Variants in SAMSN1 observed in about 807,000 individuals in gnomAD.
SAMSN1 encodes the protein SAM domain-containing protein SAMSN-1.
Under a neutral mutation model 42.0 loss-of-function variants are expected in SAMSN1, and 31 were observed. The observed-to-expected ratio is 0.74, with a 90% confidence interval of 0.55 to 1.00. The LOEUF is 1.00. Among genes scored for constraint, SAMSN1 ranks in the 50% least tolerant of loss-of-function variants. The pLI is 0.00. For missense variants in SAMSN1, 464 were observed against 439.4 expected, an observed-to-expected ratio of 1.06 and a Z score of -0.50; for synonymous variants, 178 against 151.9, an observed-to-expected ratio of 1.17 and a Z score of -1.26.
intron 2 of SAMSN1, among the ~76,000 whole-genome samples, chr21:14,573,573 A>C (rs1256586654): frequency 1.3e-5 from 2 of 152,196 alleles, no homozygotes; most frequent in African/African-American, 4.8e-5. Context: ...AAACCAGCTG[A>C]GGTAAAGGTA....
chr21:14,624,334 A>G (rs1312628310), intron 2 of SAMSN1, among the ~76,000 whole-genome samples: 1 of 152,218 alleles, frequency 6.6e-6, no homozygotes, highest in Non-Finnish European at 1.5e-5. Flanking sequence ...CAATGAATGC[A>G]GGAGCTGTTT....
intron 2 of SAMSN1, among the ~76,000 whole-genome samples, chr21:14,552,833 T>C (rs1980643722): frequency 6.6e-6 from 1 of 152,142 alleles, no homozygotes; most frequent in Non-Finnish European, 1.5e-5. Flanking sequence ...CTTAATTTTG[T>C]GATTTTGCTT....
intron 6 of SAMSN1, among the ~76,000 whole-genome samples, chr21:14,594,898 A>C (rs1365716992): frequency 6.6e-6 from 1 of 152,192 alleles, no homozygotes; most frequent in Admixed American, 6.5e-5. Context: ...TGCAATTTGC[A>C]CACAGTTCTA....
intron 5 of SAMSN1, among the ~76,000 whole-genome samples, chr21:14,606,829 T>C (rs566617191): frequency 8.6e-4 from 131 of 152,346 alleles, no homozygotes; most frequent in Non-Finnish European, 1.6e-3. Flanking sequence ...CTTATTCTGA[T>C]AAATTTGGTC....
chr21:14,627,058 A>G (rs1568836166), intron 2 of SAMSN1, among the ~76,000 whole-genome samples: 2 of 152,164 alleles, frequency 1.3e-5, no homozygotes, highest in Non-Finnish European at 2.9e-5. Flanking sequence ...GTTCTCACTC[A>G]TAGGTGGGAA....
At chr21:14,562,190 T>C (rs971571496) in intron 2 of SAMSN1, among the ~76,000 whole-genome samples, 1 of 152,198 alleles carries the variant, frequency 6.6e-6, no homozygotes, top group African/African-American at 2.4e-5. Flanking sequence ...CAGTTAGATA[T>C]GTGGTTAGAT....
chr21:14,599,492 AC>A (rs1462068596), intron 6 of SAMSN1, among the ~76,000 whole-genome samples: 1 of 152,138 alleles, frequency 6.6e-6, no homozygotes, highest in African/African-American at 2.4e-5. Flanking sequence ...TTTATAAATT[AC>A]TTAGCCTCGG....
chr21:14,652,224 A>C (rs1394445133), intron 1 of SAMSN1, among the ~76,000 whole-genome samples: 2 of 152,056 alleles, frequency 1.3e-5, no homozygotes, highest in East Asian at 3.9e-4. Context: ...AAAGACACAG[A>C]ATAGCCAAAG....
intron 1 of SAMSN1, among the ~76,000 whole-genome samples, chr21:14,536,944 C>T (rs373138788): frequency 1.1e-4 from 17 of 152,204 alleles, no homozygotes; most frequent in African/African-American, 3.1e-4. Flanking sequence ...TCAACTGGGC[C>T]GTTCCTTTGT....
rs1308451555 is a variant in SAMSN1 at position 14,643,265 on chromosome 21, C to T, written c.25-132G>A. 2.8e-5 allele frequency: 16 copies of T among 571,472 alleles called. No individual in the cohort carries two copies. The East Asian group carries it at 3.9e-4, about 14-fold the overall frequency. 35.4% of individuals were successfully genotyped at this position (571,472 alleles called of 1,614,324 possible). Reference sequence around the variant, plus strand: ...CCTGGGCATAGGGATTAAGAGTTTACAGTATGCTAACTTTCAACAGTGAAC... The same window carrying T: ...CCTGGGCATAGGGATTAAGAGTTTATAGTATGCTAACTTTCAACAGTGAAC... On this transcript the variant is annotated intron_variant, in intron 1 of 15. Coordinates refer to the SAMSN1 transcript ENST00000647101.
At chr21:14,547,145 A>G (rs963338867), upstream of SAMSN1, among the ~76,000 whole-genome samples, 1 of 152,258 alleles carries the variant, frequency 6.6e-6, no homozygotes, top group Admixed American at 6.5e-5. Flanking sequence ...ATAAATGGGA[A>G]CATGACTAAA....
chr21:14,655,798 C>T (rs1983905884), intron 1 of SAMSN1, among the ~76,000 whole-genome samples: 1 of 151,730 alleles, frequency 6.6e-6, no homozygotes, highest in Non-Finnish European at 1.5e-5. Flanking sequence ...TTGAGAATAA[C>T]ATAAATGCTA....
upstream of SAMSN1, among the ~76,000 whole-genome samples, chr21:14,587,934 C>T (rs1464141108): frequency 8.8e-6 from 1 of 113,348 alleles, no homozygotes; most frequent in African/African-American, 3.5e-5. Context: ...GTGTGATATT[C>T]CCCTTCCTGT....
rs1982529185 is a variant in SAMSN1 at position 14,605,026 on chromosome 21, C to A, written c.323-2927G>T. ...CATGCATGAACTACATGGTAGATTACCAACATCAATGTGCATAAAAATATG... is the reference window on the plus strand; with the variant it reads ...CATGCATGAACTACATGGTAGATTAACAACATCAATGTGCATAAAAATATG... On this transcript the variant is annotated intron_variant, in intron 5 of 15. Transcript: ENST00000647101. Among the ~76,000 whole-genome samples the A allele has an allele frequency of 2.0e-5, 3 of 152,188 alleles. No individual in the cohort carries two copies. In the South Asian group the frequency reaches 6.2e-4, roughly 31 times the overall value.
chr21:14,657,619 C>T (rs1983937750), intron 1 of SAMSN1, among the ~76,000 whole-genome samples: 1 of 151,784 alleles, frequency 6.6e-6, no homozygotes, highest in South Asian at 2.1e-4. Context: ...GAAGTATATT[C>T]ATATAAACCA....
At chr21:14,587,928 G>A (rs1389675364), upstream of SAMSN1, among the ~76,000 whole-genome samples, 1 of 113,016 alleles carries the variant, frequency 8.8e-6, no homozygotes, top group Non-Finnish European at 1.7e-5. Context: ...CCCAGAGTGT[G>A]ATATTCCCCT....
intron 2 of SAMSN1, among the ~76,000 whole-genome samples, chr21:14,635,235 G>T (rs1421603572): frequency 6.6e-6 from 1 of 151,996 alleles, no homozygotes; most frequent in East Asian, 1.9e-4. Flanking sequence ...ATGTATGCGG[G>T]GCTTAAAACT....
In SAMSN1 at chr21:14,524,824, T is replaced by C. The variant is rs571676319; in HGVS notation, c.58-3603A>G. Among the ~76,000 whole-genome samples, 8 of 152,084 alleles carry C rather than the reference T, an allele frequency of 5.3e-5. 1 individual carries two copies. In the South Asian group the frequency reaches 1.7e-3, roughly 32 times the overall value. On this transcript the variant is annotated intron_variant, in intron 1 of 7. Transcript: ENST00000400566. ...CAACAGAATAACCTCTAGCATACAG[T>C]GTAAGGAGAAAAAGTAAAATGGAGA...
At chr21:14,551,317 C>T (rs1600925681) in intron 2 of SAMSN1, among the ~76,000 whole-genome samples, 1 of 151,882 alleles carries the variant, frequency 6.6e-6, no homozygotes, top group East Asian at 1.9e-4. Context: ...GACCAATGGC[C>T]TAAGATGAAT....
Sources: gnomAD v4.1 joint callset for allele counts (sites outside exome capture counted in the v4.1 genomes callset) on GRCh38, gnomAD v4.1.1 for gene constraint, MANE v1.5 for transcripts, NCBI Gene and HGNC (gene_info 2026-07-23, HGNC 2026-07-21) for gene names.